Variants in MGAT4C observed in about 807,000 individuals in gnomAD.
MGAT4C encodes the protein MGAT4 family member C, also known as alpha-1,3-mannosyl-glycoprotein 4-beta-N-acetylglucosaminyltransferase C.
In MGAT4C, 19 loss-of-function variants were observed where a neutral mutation model predicts 40.1. The observed-to-expected ratio is 0.47, with a 90% CI of 0.33 to 0.70. The LOEUF (loss-of-function observed/expected upper bound fraction) is 0.70. Among genes scored for constraint, MGAT4C ranks in the 30% least tolerant of loss-of-function variants. The pLI, the probability that MGAT4C is intolerant of heterozygous loss-of-function variation, is 0.02. For synonymous variants in MGAT4C, 181 were observed against 187.1 expected, an observed-to-expected ratio of 0.97 and a Z score of 0.27; for missense variants, 491 against 563.2, an observed-to-expected ratio of 0.87 and a Z score of 1.30.
rs1031672522 is a variant in MGAT4C at position 86,631,799 on chromosome 12, A to G, written c.-229+95410T>C. ...AAATGTTAGACCTAAAACTATAAAA[A>G]CCCTAGAAGAAAACTTAGGCAATAC... On this transcript the variant is annotated intron_variant, in intron 2 of 7. Transcript: ENST00000548651. Among the ~76,000 whole-genome samples, 46 of 152,196 alleles carry G rather than the reference A, an allele frequency of 3.0e-4. 1 individual carries two copies. The highest frequency in any genetic ancestry group is 1.0e-3 in the African/African-American group (42 of 41,456).
chr12:86,206,266 G>T (rs889429019), intron 1 of MGAT4C, among the ~76,000 whole-genome samples: 1 of 152,048 alleles, frequency 6.6e-6, no homozygotes, highest in African/African-American at 2.4e-5. Flanking sequence ...AAATAATAAG[G>T]ACAGAGAATG....
intron 1 of MGAT4C, among the ~76,000 whole-genome samples, chr12:86,763,908 T>C (rs934009757): frequency 2.0e-5 from 3 of 152,120 alleles, no homozygotes; most frequent in Admixed American, 6.5e-5. Context: ...TAGGAACAGC[T>C]CCTGTCTACA....
At chr12:86,196,179 C>T (rs1949793139) in intron 1 of MGAT4C, among the ~76,000 whole-genome samples, 1 of 152,180 alleles carries the variant, frequency 6.6e-6, no homozygotes, top group Non-Finnish European at 1.5e-5. Flanking sequence ...GTAGAAAGCA[C>T]CTTATTGCTG....
intron 2 of MGAT4C, among the ~76,000 whole-genome samples, chr12:86,451,130 G>A (rs1459939047): frequency 6.6e-6 from 1 of 152,068 alleles, no homozygotes; most frequent in East Asian, 1.9e-4. Context: ...TCATGGGGTG[G>A]ATTTCTCACA....
chr12:86,085,704 A>G (rs1171234380), intron 1 of MGAT4C, among the ~76,000 whole-genome samples: 1 of 152,184 alleles, frequency 6.6e-6, no homozygotes, highest in Non-Finnish European at 1.5e-5. Flanking sequence ...AAAAAAACAA[A>G]CAACCATATT....
intron 1 of MGAT4C, among the ~76,000 whole-genome samples, chr12:86,815,686 G>A (rs1214954345): frequency 1.3e-5 from 2 of 151,360 alleles, no homozygotes; most frequent in Non-Finnish European, 2.9e-5. Context: ...CCATAAAAAG[G>A]AATGAATTAA....
intron 2 of MGAT4C, among the ~76,000 whole-genome samples, chr12:86,554,378 T>A (rs779226970): frequency 6.6e-6 from 1 of 152,184 alleles, no homozygotes; most frequent in Non-Finnish European, 1.5e-5. Context: ...CTGATTCACT[T>A]TTAGGTACAC....
intron 2 of MGAT4C, among the ~76,000 whole-genome samples, chr12:86,682,023 A>G (rs1217338980): frequency 6.6e-6 from 1 of 152,030 alleles, no homozygotes; most frequent in Non-Finnish European, 1.5e-5. Context: ...TGGCCATTAG[A>G]GCACCCCAAA....
chr12:86,080,451 T>G (rs144758411), intron 1 of MGAT4C, among the ~76,000 whole-genome samples: 19 of 152,312 alleles, frequency 1.2e-4, no homozygotes, highest in African/African-American at 4.3e-4. Flanking sequence ...CACTGGAAAT[T>G]ATCAAATAGA....
intron 1 of MGAT4C, among the ~76,000 whole-genome samples, chr12:86,246,179 C>CTTTTTTTTT (rs57004605): frequency 1.4e-5 from 1 of 70,122 alleles, no homozygotes; most frequent in Non-Finnish European, 2.5e-5. Context: ...TGTACCATTG[C>CTTTTTTTTT]TTTTTTTTTT....
intron 1 of MGAT4C, among the ~76,000 whole-genome samples, chr12:86,184,477 GTCT>G (rs1383236345): frequency 6.6e-6 from 1 of 150,892 alleles, no homozygotes; most frequent in Non-Finnish European, 1.5e-5. Flanking sequence ...ATACTCCTTT[GTCT>G]TCTTTTCTCG....
rs1883052898 is a variant in MGAT4C, at chr12:85,960,458, A to G, written c.*18831T>C. The G allele has an allele frequency of 6.6e-6, 1 of 152,048 alleles. No individual in the cohort carries two copies. The highest frequency in any genetic ancestry group is 1.5e-5 in the Non-Finnish European group (1 of 67,920). 9.4% of individuals were successfully genotyped at this position (152,048 alleles called of 1,614,324 possible). A position where few individuals can be genotyped will look rare whatever the true frequency, so the allele number is the denominator to read the frequency against. On this transcript the variant is annotated 3_prime_UTR_variant, in exon 5 of 5. Transcript: ENST00000611864. ...ACAGATTTGTGGTCTGAATCACATG[A>G]GAGACATAGATGAAAAATGTAAAAC...
At chr12:86,073,758 A>G (rs768321628) in intron 1 of MGAT4C, among the ~76,000 whole-genome samples, 4 of 152,138 alleles carry the variant, frequency 2.6e-5, no homozygotes, top group Non-Finnish European at 5.9e-5. Flanking sequence ...GTACCTAGGA[A>G]GTAACTAGCT....
intron 3 of MGAT4C, among the ~76,000 whole-genome samples, chr12:86,366,305 G>C (rs1026993551): frequency 4.6e-5 from 7 of 152,130 alleles, no homozygotes; most frequent in Non-Finnish European, 2.9e-5. Flanking sequence ...AGGTTTCTAT[G>C]TATAGAATCA....
At chr12:86,309,892 T>C (rs192850529) in intron 4 of MGAT4C, among the ~76,000 whole-genome samples, 61 of 152,280 alleles carry the variant, frequency 4.0e-4, no homozygotes, top group Admixed American at 1.1e-3. Flanking sequence ...TTATCTCTCT[T>C]GCACAGTGTG....
rs543018962 is a variant in MGAT4C, at chr12:86,726,482, T to C, written c.-229+727A>G. On this transcript the variant is annotated intron_variant, in intron 2 of 7. Coordinates refer to the MGAT4C transcript ENST00000548651. ...ATTCACTGGCATGAAGAAATGTGTC[T>C]ATTCACATTAAGCAAAAATGGTTGA... 3.3e-5 allele frequency among the ~76,000 whole-genome samples: 5 copies of C among 152,306 alleles called. No individual in the cohort carries two copies. The South Asian group carries it at 6.2e-4, about 19-fold the overall frequency.
chr12:86,370,284 A>G (rs1246424837), intron 3 of MGAT4C, among the ~76,000 whole-genome samples: 1 of 152,038 alleles, frequency 6.6e-6, no homozygotes, highest in Non-Finnish European at 1.5e-5. Context: ...TCAGACAAGG[A>G]GTGAAAGGGA....
chr12:86,378,779 C>T (rs2136218009), intron 3 of MGAT4C, among the ~76,000 whole-genome samples: 1 of 152,266 alleles, frequency 6.6e-6, no homozygotes, highest in East Asian at 1.9e-4. Context: ...TCTTCAATTA[C>T]TTGGAACTTG....
chr12:86,307,381 G>A (rs528156300), intron 4 of MGAT4C, among the ~76,000 whole-genome samples: 2 of 150,456 alleles, frequency 1.3e-5, no homozygotes, highest in East Asian at 3.9e-4. Flanking sequence ...CTTAATACAT[G>A]TTTTATATAG....
Sources: allele counts gnomAD v4.1 joint callset (sites outside exome capture counted in the v4.1 genomes callset), GRCh38; gene constraint gnomAD v4.1.1; transcripts MANE v1.5; gene names NCBI Gene and HGNC (gene_info 2026-07-23, HGNC 2026-07-21).